TMPRSS6: variants seen among roughly 807,000 people sequenced by gnomAD.
TMPRSS6 encodes transmembrane serine protease 6, also known as transmembrane protease serine 6.
TMPRSS6 carries 67 observed loss-of-function variants against 101.5 expected under a neutral mutation model. The observed-to-expected ratio is 0.66, with a 90% confidence interval of 0.54 to 0.81. The LOEUF is 0.81. Ranked by LOEUF, TMPRSS6 falls within the 30% of genes least tolerant of loss-of-function variation. The pLI is 0.00. For missense variants in TMPRSS6, 1,034 were observed against 1,088.7 expected (o/e 0.95, Z 0.71); for synonymous variants, 453 against 464.9 (o/e 0.97, Z 0.33).
At position 37,098,471 on chromosome 22, in the gene TMPRSS6, A is replaced by T; in HGVS notation, c.281T>A (p.Leu94His). 6.2e-7 allele frequency: 1 copy of T among 1,614,010 alleles called. No homozygotes were observed. The highest frequency in any genetic ancestry group is 8.5e-7 in the Non-Finnish European group (1 of 1,180,008). ...GAAGGCACTAGATTCCCGGCGGGTA[A>T]GATCCTGGGAGAAGTGGCGATTGAG... ...RVLNRHFSQD[L>H]TRRESSAFRS... The change falls in exon 3 of 18, where the codon CTT (leucine) becomes CAT (histidine). Residue 94 changes from leucine to histidine, a missense_variant. Leu to His is a moderately conservative substitution (Grantham distance 99). Coordinates refer to ENST00000676104, the MANE Select transcript of TMPRSS6 (RefSeq NM_001374504.1).
chr22:37,085,052 C>T (rs1928612278), intron 8 of TMPRSS6, among the ~76,000 whole-genome samples: 1 of 152,150 alleles, frequency 6.6e-6, no homozygotes, highest in African/African-American at 2.4e-5. Flanking sequence ...ATTAAAAAGA[C>T]ATAAACATTC....
intron 10 of TMPRSS6, among the ~76,000 whole-genome samples, chr22:37,078,781 G>A (rs1478649950): frequency 6.9e-6 from 1 of 144,932 alleles, no homozygotes; most frequent in Non-Finnish European, 1.5e-5. Flanking sequence ...AGAAGGAGGA[G>A]GAGAAGAAGA....
At position 37,075,200 on chromosome 22, in the gene TMPRSS6, G is replaced by A. The variant is rs371788152; in HGVS notation, c.1277C>T (p.Thr426Ile). 1.2e-6 allele frequency: 2 copies of A among 1,614,058 alleles called. No homozygotes were observed. Among genetic ancestry groups the A allele is most frequent in the Admixed American group, 3.3e-5 (2 of 60,036 alleles). ...VATAGITINF[T>I]SQISLTGPGV... The stretch of plus-strand genomic sequence containing the variant: ...GGGCCCGGTGAGGGAGATCTGGGAG[G>A]TGAAGTTGATGGTGATCCCGGCCGT... Residue 426 changes from threonine (T) to isoleucine (I), a missense_variant, in exon 11 of 18, where the codon ACC becomes ATC. Thr to Ile is a moderately conservative substitution (Grantham distance 89). Coordinates refer to ENST00000676104, the MANE Select transcript of TMPRSS6 (RefSeq NM_001374504.1).
Position 37,103,210 on chromosome 22 carries a change from C to T in TMPRSS6, c.202+6G>A, listed in dbSNP as rs572191451. ...GTGCCTCTCCCAGGCGGTCCCACAA[C>T]GTTACCTAGGAAATACCAGAGTAGC... On this transcript the variant is annotated splice_donor_region_variant and intron_variant, in intron 2 of 17. Coordinates refer to ENST00000676104, the MANE Select transcript of TMPRSS6 (RefSeq NM_001374504.1). The surrounding 1 kb of genome is among the most constrained non-coding windows in gnomAD (Gnocchi z 4.4). The T allele has an allele frequency of 1.5e-5, 25 of 1,613,834 alleles. No homozygotes were observed. Among genetic ancestry groups the T allele is most frequent in the Admixed American group, 3.3e-5 (2 of 60,024 alleles).
Position 37,069,058 on chromosome 22 carries a change from G to A in TMPRSS6, c.2113+15C>T. ...GGTCTCCCTCCGCCTCCCGCCGCAAGTCCCCGCTGCTCACCGCCCTCGCGC... is the reference window on the plus strand; with the variant it reads ...GGTCTCCCTCCGCCTCCCGCCGCAAATCCCCGCTGCTCACCGCCCTCGCGC... On this transcript the variant is annotated intron_variant, in intron 16 of 17. Coordinates refer to ENST00000676104, the MANE Select transcript of TMPRSS6 (RefSeq NM_001374504.1). This position sits in a 1 kb window ranked among gnomAD's most constrained non-coding sequence, Gnocchi z 4.8. 6.5e-7 allele frequency: 1 copy of A among 1,537,126 alleles called. No individual in the cohort carries two copies. The highest frequency in any genetic ancestry group is 8.7e-7 in the Non-Finnish European group (1 of 1,147,352).
Position 37,069,024 on chromosome 22 carries a change from G to A in TMPRSS6, c.2113+49C>T. 1 of 1,532,578 alleles carries A rather than the reference G, an allele frequency of 6.5e-7. No individual in the cohort carries two copies. 94.9% of individuals were successfully genotyped at this position (1,532,578 alleles called of 1,614,324 possible). A position where few individuals can be genotyped will look rare whatever the true frequency, so the allele number is the denominator to read the frequency against. On this transcript the variant is annotated intron_variant, in intron 16 of 17. Transcript: ENST00000676104. This position sits in a 1 kb window ranked among gnomAD's most constrained non-coding sequence, Gnocchi z 4.8. ...TCTCCAGGCCAGGTGTTACGGCGCA[G>A]ATCCGCACGGTCTCCCTCCGCCTCC...
At position 37,089,665 on chromosome 22, in the gene TMPRSS6, A is replaced by T. The variant is rs1430281030; in HGVS notation, c.749T>A (p.Leu250His). The part of the protein sequence containing the change: ...LQGPKDLMLK[L>H]RLEWTLAECR... ...CTCTGCCAGCGTCCACTCCAGCCGG[A>T]GTTTGAGCATGAGGTCCTTGGGGCC... Residue 250 changes from leucine (L) to histidine (H), a missense_variant, in exon 7 of 18, where the codon CTC becomes CAC. Physicochemically the swap from Leu to His is moderately conservative, Grantham distance 99 (BLOSUM62 -3). Coordinates refer to ENST00000676104, the MANE Select transcript of TMPRSS6 (RefSeq NM_001374504.1). 2 of 1,612,422 alleles carry T rather than the reference A, an allele frequency of 1.2e-6. No individual in the cohort carries two copies. The highest frequency in any genetic ancestry group is 1.7e-6 in the Non-Finnish European group (2 of 1,179,520).
intron 8 of TMPRSS6, among the ~76,000 whole-genome samples, chr22:37,085,937 A>G (rs1300658728): frequency 6.6e-6 from 1 of 151,660 alleles, no homozygotes; most frequent in Non-Finnish European, 1.5e-5. Context: ...AGGGGAGGGG[A>G]CACAGGTCCA....
rs151330645 is a variant in TMPRSS6 at position 37,086,293 on chromosome 22, C to T, written c.963G>A (p.Val321=). ...CCCCTGACCTCTCACCCTGGAAGAC[C>T]ACCGGCTGCACGGAGAGCACGAAGG... is the stretch of plus-strand genomic sequence containing the variant. ...YDPFVLSVQP[V]VFQACEVNLT... The change falls in exon 8 of 18, where the codon GTG becomes GTA. Residue 321 remains valine (V), a synonymous_variant. Coordinates refer to ENST00000676104, the MANE Select transcript of TMPRSS6 (RefSeq NM_001374504.1). 374 of 1,614,096 alleles carry T rather than the reference C, an allele frequency of 2.3e-4. 2 individuals are homozygous for T. In the African/African-American group the frequency reaches 4.6e-3, roughly 20 times the overall value.
intron 13 of TMPRSS6, among the ~76,000 whole-genome samples, chr22:37,072,264 GAT>G (rs1927047797): frequency 8.2e-6 from 1 of 121,658 alleles, no homozygotes; most frequent in African/African-American, 3.7e-5. Context: ...ATGGATGGAT[GAT>G]GGATGGTTGC....
At chr22:37,095,641 AAAAG>A in intron 5 of TMPRSS6, 49 bp from the exon 6 acceptor site, 41 of 1,520,954 alleles carry the variant, frequency 2.7e-5, no homozygotes, top group Non-Finnish European at 3.1e-5. Flanking sequence ...AAAAAAAAAA[AAAAG>A]AAAAGAAAAT....
intron 16 of TMPRSS6, among the ~76,000 whole-genome samples, chr22:37,068,368 C>T (rs1407435720): frequency 6.6e-6 from 1 of 152,254 alleles, no homozygotes; most frequent in Non-Finnish European, 1.5e-5. Context: ...CCGCCTGCTT[C>T]CAGATTGTAA....
chr22:37,104,350 C>T (rs1374152526), intron 1 of TMPRSS6, among the ~76,000 whole-genome samples: 3 of 152,218 alleles, frequency 2.0e-5, no homozygotes, highest in Non-Finnish European at 4.4e-5. Context: ...CAAGATCACA[C>T]AGCAGGGAAG....
intron 1 of TMPRSS6, among the ~76,000 whole-genome samples, chr22:37,107,634 C>T (rs750062942): frequency 2.0e-5 from 3 of 152,134 alleles, no homozygotes; most frequent in Non-Finnish European, 4.4e-5. Context: ...CCACAAGCCT[C>T]GCACGGCTTC....
chr22:37,073,769 C>T (rs1927364248), intron 12 of TMPRSS6, 124 bp from the exon 13 acceptor site: 8 of 745,736 alleles, frequency 1.1e-5, no homozygotes, highest in Admixed American at 9.4e-5. Context: ...TTCTCTGCTA[C>T]TTTATTTTTA....
Position 37,103,234 on chromosome 22 carries a change from G to T in TMPRSS6, c.184C>A (p.Leu62Ile). ...ACGTTACCTAGGAAATACCAGAGTA[G>T]CACCCCCGCCGAAGCCAGCACGAGC... ...ALLVLASAGV[L>I]LWYFLGYKAE... The change falls in exon 2 of 18, where the codon CTA (leucine) becomes ATA (isoleucine). Residue 62 changes from leucine (L) to isoleucine (I), a missense_variant. By Grantham distance (5) the Leu-to-Ile change is conservative. Coordinates refer to ENST00000676104, the MANE Select transcript of TMPRSS6 (RefSeq NM_001374504.1). This position sits in a 1 kb window ranked among gnomAD's most constrained non-coding sequence, Gnocchi z 4.4. The T allele has an allele frequency of 6.2e-7, 1 of 1,613,954 alleles. No individual in the cohort carries two copies. Among genetic ancestry groups the T allele is most frequent in the Non-Finnish European group, 8.5e-7 (1 of 1,179,894 alleles).
At chr22:37,097,363 C>G (rs117771865) in intron 3 of TMPRSS6, among the ~76,000 whole-genome samples, 27 of 152,306 alleles carry the variant, frequency 1.8e-4, no homozygotes, top group Non-Finnish European at 3.2e-4. Flanking sequence ...AAGTGGGCAA[C>G]CAACACAGGG....
upstream of TMPRSS6, among the ~76,000 whole-genome samples, chr22:37,110,402 C>G (rs1930985267): frequency 6.6e-6 from 1 of 151,978 alleles, no homozygotes; most frequent in African/African-American, 2.4e-5. Context: ...CCTCGACCTC[C>G]CAAAACGCTA....
rs370976150 is a variant in TMPRSS6, at chr22:37,066,254, G to C, written c.2251-16C>G. ...CTGAGTCACCCTGAAAGGGGGAAAG[G>C]AGAAAGGACTGAAGCAGGGTAAGGG... On this transcript the variant is annotated splice_polypyrimidine_tract_variant and intron_variant, in intron 17 of 17. Coordinates refer to ENST00000676104, the MANE Select transcript of TMPRSS6 (RefSeq NM_001374504.1). 2.5e-6 allele frequency: 4 copies of C among 1,603,590 alleles called. No individual in the cohort carries two copies. Among genetic ancestry groups the C allele is most frequent in the Middle Eastern group, 1.7e-4 (1 of 6,046 alleles).
Sources: allele counts gnomAD v4.1 joint callset (sites outside exome capture counted in the v4.1 genomes callset), GRCh38; gene constraint gnomAD v4.1.1; non-coding constraint Gnocchi (gnomAD v3.1); transcripts MANE v1.5; gene names NCBI Gene and HGNC (gene_info 2026-07-23, HGNC 2026-07-21).